CEP85L: variants seen among roughly 807,000 people sequenced by gnomAD.
The protein encoded by CEP85L is centrosomal protein 85L, also known as centrosomal protein of 85 kDa-like.
Under a neutral mutation model 100.3 loss-of-function variants are expected in CEP85L, and 60 were observed. That is an observed-to-expected ratio of 0.60 (90% CI 0.49 to 0.74). The LOEUF (loss-of-function observed/expected upper bound fraction) is 0.74. Ranked by LOEUF, CEP85L falls within the 30% of genes least tolerant of loss-of-function variation. The probability of loss-of-function intolerance (pLI) is 0.00; values close to 1 mark genes in which losing one functional copy is unlikely to be tolerated. For missense variants in CEP85L, 973 were observed against 936.2 expected (o/e 1.04, Z -0.51); for synonymous variants, 319 against 322.7 (o/e 0.99, Z 0.12).
chr6:118,628,611 G>C (rs911491027), intron 2 of CEP85L, among the ~76,000 whole-genome samples: 1 of 149,026 alleles, frequency 6.7e-6, no homozygotes, highest in Non-Finnish European at 1.5e-5. Context: ...CTCTAGCCTG[G>C]GCAACAGAGC....
In CEP85L at chr6:118,481,239, CT is replaced by C. The variant is rs1039757410; in HGVS notation, c.1745+539del. Among the ~76,000 whole-genome samples, 348 of 141,510 alleles carry C rather than the reference CT, an allele frequency of 2.5e-3. 1 individual carries two copies. The highest frequency in any genetic ancestry group is 6.4e-3 in the African/African-American group (247 of 38,868). The allele number at this position is 141,510 out of a possible 152,430, so 92.8% of individuals were successfully genotyped here. A position where few individuals can be genotyped will look rare whatever the true frequency, so the allele number is the denominator to read the frequency against. On this transcript the variant is annotated intron_variant, in intron 8 of 12. Transcript: ENST00000368491. ...CCTTTTTCGTTATTTAGAATTTTTACTTTTTTTTTTTTATAAAGCCATTAGG... is the reference window on the plus strand; with the variant it reads ...CCTTTTTCGTTATTTAGAATTTTTACTTTTTTTTTTTATAAAGCCATTAGG...
intron 1 of CEP85L, among the ~76,000 whole-genome samples, chr6:118,697,639 A>G (rs1054210718): frequency 1.1e-4 from 16 of 152,220 alleles, no homozygotes; most frequent in African/African-American, 3.6e-4. Flanking sequence ...AGAACTATTC[A>G]TGAAGTCATG....
At chr6:118,543,358 G>A (rs1358169569) in intron 3 of CEP85L, among the ~76,000 whole-genome samples, 1 of 151,900 alleles carries the variant, frequency 6.6e-6, no homozygotes, top group African/African-American at 2.4e-5. Context: ...ACTTGTAATA[G>A]AAAAATAATA....
At chr6:118,502,431 T>G (rs556868862) in intron 5 of CEP85L, 2 of 530,096 alleles carry the variant, frequency 3.8e-6, no homozygotes, top group East Asian at 4.7e-5. Flanking sequence ...CCTATAAGAG[T>G]TGGAGATATC....
At position 118,535,369 on chromosome 6, in the gene CEP85L, G is replaced by GGT. The variant is rs202026831; in HGVS notation, c.1021-11451_1021-11450dup. Among the ~76,000 whole-genome samples the GGT allele has an allele frequency of 3.7e-3, 565 of 152,252 alleles. 3 individuals carry two copies. Among genetic ancestry groups the GGT allele is most frequent in the African/African-American group, 0.013 (540 of 41,546 alleles). ...AATCAGATCAGTGGTTGCCAAGCGG[G>GGT]GTAGAGGACTAACTACAAAGGGGCA... On this transcript the variant is annotated intron_variant, in intron 3 of 12. Transcript: ENST00000368491.
At chr6:118,477,234 G>GA (rs1303482699) in intron 10 of CEP85L, among the ~76,000 whole-genome samples, 2 of 151,918 alleles carry the variant, frequency 1.3e-5, no homozygotes, top group South Asian at 2.1e-4. Flanking sequence ...CTTGACAGCT[G>GA]AAAAAAACAG....
intron 1 of CEP85L, among the ~76,000 whole-genome samples, chr6:118,649,454 CTCT>C (rs1296065984): frequency 1.3e-5 from 2 of 152,186 alleles, no homozygotes; most frequent in African/African-American, 4.8e-5. Context: ...CTAAAATGTT[CTCT>C]TCTTCCTAGA....
At chr6:118,607,765 G>A (rs186980288) in intron 2 of CEP85L, among the ~76,000 whole-genome samples, 2 of 152,202 alleles carry the variant, frequency 1.3e-5, no homozygotes, top group Non-Finnish European at 2.9e-5. Context: ...TCCAATCAGT[G>A]CTGCATCTAT....
chr6:118,525,974 T>G (rs1447235251), intron 3 of CEP85L, among the ~76,000 whole-genome samples: 1 of 152,202 alleles, frequency 6.6e-6, no homozygotes, highest in African/African-American at 2.4e-5. Flanking sequence ...ACAGATTAAC[T>G]CTTTGAGATG....
intron 3 of CEP85L, among the ~76,000 whole-genome samples, chr6:118,527,002 CT>C (rs764883723): frequency 1.6e-3 from 162 of 98,730 alleles, no homozygotes; most frequent in East Asian, 0.014. Context: ...TTTACTTTTT[CT>C]TTTTTTTTTT....
intron 4 of CEP85L, among the ~76,000 whole-genome samples, chr6:118,521,702 G>T (rs773604461): frequency 3.3e-5 from 5 of 151,976 alleles, no homozygotes; most frequent in Non-Finnish European, 7.4e-5. Context: ...GCCACCACTC[G>T]AACAAACCCA....
chr6:118,501,559 G>A (rs896226982), intron 5 of CEP85L: 25 of 520,470 alleles, frequency 4.8e-5, no homozygotes, highest in African/African-American at 1.2e-4. Context: ...TGAAAGAAGA[G>A]ATCAAGAACA....
chr6:118,651,699 G>A (rs866305088), upstream of CEP85L: 1 of 659,578 alleles, frequency 1.5e-6, no homozygotes, highest in Middle Eastern at 7.7e-4. Context: ...GGGGACTGCG[G>A]GGGGCGGGGA....
At chr6:118,531,005 T>C (rs142774492) in intron 3 of CEP85L, among the ~76,000 whole-genome samples, 221 of 152,200 alleles carry the variant, frequency 1.5e-3, no homozygotes, top group African/African-American at 5.2e-3. Flanking sequence ...TAGAAAAAAC[T>C]TGTAAAATTC....
chr6:118,651,270 C>T lies in CEP85L; in HGVS notation c.-1G>A, dbSNP rs1194127522. 33 of 1,488,550 alleles carry T rather than the reference C, an allele frequency of 2.2e-5. No individual in the cohort carries two copies. Among genetic ancestry groups the T allele is most frequent in the East Asian group, 5.7e-5 (2 of 34,816 alleles). 92.2% of individuals were successfully genotyped at this position (1,488,550 alleles called of 1,614,324 possible). A position where few individuals can be genotyped will look rare whatever the true frequency, so the allele number is the denominator to read the frequency against. ...CCGGAGCCAGGAAGCGCCCCCACAT[C>T]GCGGGCGAGAGGGCCGGGTGGGCCA... On this transcript the variant is annotated 5_prime_UTR_variant, in exon 1 of 13. Transcript: ENST00000368491.
intron 2 of CEP85L, among the ~76,000 whole-genome samples, chr6:118,586,960 A>C (rs893265286): frequency 1.3e-5 from 2 of 152,222 alleles, no homozygotes; most frequent in African/African-American, 4.8e-5. Flanking sequence ...CAGGAATAAC[A>C]GTTACTAACA....
At chr6:118,577,352 T>C (rs1009866753) in intron 2 of CEP85L, among the ~76,000 whole-genome samples, 3 of 152,154 alleles carry the variant, frequency 2.0e-5, no homozygotes, top group African/African-American at 7.2e-5. Context: ...TCCCTTTCAC[T>C]CTGGCATTTC....
At chr6:118,488,994 G>A (rs956731290) in intron 6 of CEP85L, among the ~76,000 whole-genome samples, 2 of 152,150 alleles carry the variant, frequency 1.3e-5, no homozygotes, top group Non-Finnish European at 2.9e-5. Context: ...GTGGCTGGGT[G>A]TAGTGGCTCA....
chr6:118,650,637 C>T lies in CEP85L; in HGVS notation c.73+560G>A, dbSNP rs570429847. 9.2e-4 allele frequency among the ~76,000 whole-genome samples: 140 copies of T among 152,274 alleles called. 2 individuals are homozygous for T. Among genetic ancestry groups the T allele is most frequent in the African/African-American group, 3.3e-3 (138 of 41,582 alleles). On this transcript the variant is annotated intron_variant, in intron 1 of 12. Transcript: ENST00000368491. Reference sequence around the variant, plus strand: ...GGGGCTGAAGTTCCCTTGGGGGTGGCTGAGAGCGGCCGCATCTCTGGCAGC... The same window carrying T: ...GGGGCTGAAGTTCCCTTGGGGGTGGTTGAGAGCGGCCGCATCTCTGGCAGC...
Sources: allele counts gnomAD v4.1 joint callset (sites outside exome capture counted in the v4.1 genomes callset), GRCh38; gene constraint gnomAD v4.1.1; transcripts MANE v1.5; gene names NCBI Gene and HGNC (gene_info 2026-07-23, HGNC 2026-07-21).